Variants in STRA8 observed in about 807,000 individuals in gnomAD.
STRA8 encodes stimulated by retinoic acid gene 8 protein homolog.
A neutral mutation model predicts 37.1 loss-of-function variants in STRA8; 18 were observed. The observed-to-expected ratio is 0.48, with a 90% CI of 0.34 to 0.72. The LOEUF (loss-of-function observed/expected upper bound fraction) is 0.72. STRA8 is among the 30% of genes least tolerant of loss of function. The pLI, the probability that STRA8 is intolerant of heterozygous loss-of-function variation, is 0.01. For missense variants in STRA8, 357 were observed against 410.4 expected, an observed-to-expected ratio of 0.87 and a Z score of 1.13; for synonymous variants, 168 against 162.9, an observed-to-expected ratio of 1.03 and a Z score of -0.24.
intron 2 of STRA8, 130 bp from the exon 3 acceptor site, chr7:135,242,651 A>T: frequency 1.3e-6 from 1 of 769,996 alleles, no homozygotes; most frequent in Non-Finnish European, 2.2e-6. Context: ...CTTTTTACTG[A>T]CAAGGTTAAG....
intron 6 of STRA8, among the ~76,000 whole-genome samples, chr7:135,247,689 A>C (rs1341383979): frequency 6.6e-6 from 1 of 152,224 alleles, no homozygotes; most frequent in East Asian, 1.9e-4. Flanking sequence ...CCCAAAGAGC[A>C]CTGGGATCGC....
At chr7:135,257,618 C>G (rs139294089) in intron 8 of STRA8, among the ~76,000 whole-genome samples, 57,855 of 151,588 alleles carry the variant, frequency 0.38, 12,703 homozygotes, top group African/African-American at 0.61. Flanking sequence ...GTAGAGACAG[C>G]ATTTCGCCAT....
chr7:135,232,793 G>T (rs974511846), upstream of STRA8, among the ~76,000 whole-genome samples: 1 of 152,150 alleles, frequency 6.6e-6, no homozygotes, highest in Non-Finnish European at 1.5e-5. Flanking sequence ...GTAGCGGCTC[G>T]TTGATAGTCC....
intron 3 of STRA8, 145 bp downstream of exon 3, chr7:135,243,001 ATGTTGAGGGTCCC>A (rs1414862938): frequency 4.0e-5 from 36 of 890,658 alleles, no homozygotes; most frequent in Non-Finnish European, 6.0e-5. Context: ...GCTTGGGCCA[ATGTTGAGGGTCCC>A]TGTCCTTAGT....
chr7:135,238,135 C>T (rs1290726944), intron 1 of STRA8, among the ~76,000 whole-genome samples: 1 of 152,176 alleles, frequency 6.6e-6, no homozygotes, highest in Non-Finnish European at 1.5e-5. Flanking sequence ...TTGATTCTGC[C>T]CTTAAAGCAG....
intron 1 of STRA8, among the ~76,000 whole-genome samples, chr7:135,236,702 G>A (rs1370174978): frequency 1.3e-5 from 2 of 152,130 alleles, no homozygotes; most frequent in Non-Finnish European, 2.9e-5. Context: ...GGTCTTTCGG[G>A]TTAGGGTGGA....
At chr7:135,257,575 C>T (rs1353206159) in intron 8 of STRA8, among the ~76,000 whole-genome samples, 3 of 151,980 alleles carry the variant, frequency 2.0e-5, no homozygotes, top group Non-Finnish European at 4.4e-5. Context: ...CAGGCGCACA[C>T]CACCATGCCC....
rs201809036 is a variant in STRA8 at position 135,258,425 on chromosome 7, C to T, written c.1073C>T (p.Ser358Phe). 8 of 1,603,696 alleles carry T rather than the reference C, an allele frequency of 5.0e-6. No homozygotes were observed. The African/African-American group carries it at 8.0e-5, about 16-fold the overall frequency. Residue 358 changes from serine (S) to phenylalanine (F), a missense_variant, in exon 9 of 9, where the codon TCC becomes TTC. Physicochemically the swap from Ser to Phe is radical, Grantham distance 155. Transcript: ENST00000662584. ...CCACCCTGTGTCTTGCAGGAAGCAT[C>T]CTTTCCCGTTGATGAAGAGATGATC... ...CANTQVKQEA[S>F]FPVDEEMIML...
chr7:135,234,955 C>T (rs933213446), intron 1 of STRA8, among the ~76,000 whole-genome samples: 2 of 152,242 alleles, frequency 1.3e-5, no homozygotes, highest in African/African-American at 4.8e-5. Flanking sequence ...CAGCTCACTG[C>T]AACCTCTGCT....
chr7:135,246,926 G>A lies in STRA8; in HGVS notation c.879+224G>A. 2 of 503,614 alleles carry A rather than the reference G, an allele frequency of 4.0e-6. No individual in the cohort carries two copies. Among genetic ancestry groups the A allele is most frequent in the South Asian group, 5.8e-5 (2 of 34,312 alleles). 31.2% of individuals were successfully genotyped at this position (503,614 alleles called of 1,614,324 possible). A position where few individuals can be genotyped will look rare whatever the true frequency, so the allele number is the denominator to read the frequency against. ...GTGGCGCGATCTCGGCTCACTGCAA[G>A]CTCTGGCTCCCGGGTTCACCTCATT... On this transcript the variant is annotated intron_variant, in intron 6 of 8. Coordinates refer to ENST00000662584, the MANE Select transcript of STRA8 (RefSeq NM_001394401.1). The surrounding 1 kb of genome is among the most constrained non-coding windows in gnomAD (Gnocchi z 5.4).
In STRA8 at chr7:135,255,225, G is replaced by C. The variant is rs748358560; in HGVS notation, c.1065G>C (p.Gln355His). 1.9e-6 allele frequency: 3 copies of C among 1,611,962 alleles called. No individual in the cohort carries two copies. The highest frequency in any genetic ancestry group is 2.5e-6 in the Non-Finnish European group (3 of 1,178,254). Residue 355 changes from glutamine to histidine, a missense_variant and splice_region_variant, in exon 8 of 9, where the codon CAG (glutamine) becomes CAC (histidine). By Grantham distance (24) the Gln-to-His change is conservative. Transcript: ENST00000662584. ...GLSCANTQVK[Q>H]EASFPVDEEM... ...GCTGTGCAAACACTCAAGTAAAGCA[G>C]GTAGGATGGAGTAGAGGGCCGTGGT...
intron 6 of STRA8, among the ~76,000 whole-genome samples, chr7:135,247,420 C>T (rs1039125215): frequency 1.3e-5 from 2 of 152,234 alleles, no homozygotes; most frequent in Admixed American, 6.5e-5. Flanking sequence ...GCCCTCCCCA[C>T]CTCCTCCGGC....
chr7:135,246,336 G>A lies in STRA8; in HGVS notation c.594-81G>A. ...GGCGCCGTGGCCGGGCCTGCGTGCT[G>A]GGGTCCACACCATGAACCGAATCCC... On this transcript the variant is annotated intron_variant, in intron 5 of 8. Transcript: ENST00000662584. This position sits in a 1 kb window ranked among gnomAD's most constrained non-coding sequence, Gnocchi z 5.4. The A allele has an allele frequency of 6.5e-7, 1 of 1,534,914 alleles. No individual in the cohort carries two copies. Among genetic ancestry groups the A allele is most frequent in the Non-Finnish European group, 8.8e-7 (1 of 1,132,526 alleles).
intron 2 of STRA8, among the ~76,000 whole-genome samples, chr7:135,241,811 T>G (rs1256863210): frequency 1.3e-5 from 2 of 152,170 alleles, no homozygotes; most frequent in Non-Finnish European, 2.9e-5. Flanking sequence ...GGGGACTGTC[T>G]TATGTACTCT....
chr7:135,245,976 A>C, intron 5 of STRA8: 1 of 235,976 alleles, frequency 4.2e-6, no homozygotes. Flanking sequence ...CTCAGCAGCC[A>C]TGTTGGCTTC....
chr7:135,251,935 G>GGT (rs1419499372), intron 7 of STRA8, 66 bp downstream of exon 7: 1 of 1,483,720 alleles, frequency 6.7e-7, no homozygotes, highest in Admixed American at 1.7e-5. Flanking sequence ...TGTGTGCGCA[G>GGT]GTGTGTATGT....
chr7:135,247,430 C>A (rs1585476136), intron 6 of STRA8, among the ~76,000 whole-genome samples: 1 of 152,364 alleles, frequency 6.6e-6, no homozygotes, highest in East Asian at 1.9e-4. Flanking sequence ...CCTCCTCCGG[C>A]TCCTGTGGCT....
At chr7:135,243,882 A>C (rs1832506674) in intron 4 of STRA8, among the ~76,000 whole-genome samples, 1 of 152,250 alleles carries the variant, frequency 6.6e-6, no homozygotes, top group Admixed American at 6.5e-5. Context: ...TCTATATTCC[A>C]AGCCTCCTAA....
At chr7:135,238,706 A>C (rs554293428) in intron 1 of STRA8, among the ~76,000 whole-genome samples, 1 of 152,312 alleles carries the variant, frequency 6.6e-6, no homozygotes, top group South Asian at 2.1e-4. Context: ...TAAAAACAAA[A>C]AACAAAAAAA....
Sources: gnomAD v4.1 joint callset for allele counts (sites outside exome capture counted in the v4.1 genomes callset) on GRCh38, gnomAD v4.1.1 for gene constraint, Gnocchi (gnomAD v3.1) non-coding constraint, MANE v1.5 for transcripts, NCBI Gene and HGNC (gene_info 2026-07-23, HGNC 2026-07-21) for gene names.